The following C13orf46 variants were observed in gnomAD, a reference collection of about 807,000 sequenced individuals.
C13orf46 encodes the protein chromosome 13 open reading frame 46.
chr13:113,946,974 A>T, the C13orf46 span, among the ~76,000 whole-genome samples: 1 of 152,208 alleles, frequency 6.6e-6, no homozygotes, highest in Non-Finnish European at 1.5e-5. Context: ...ACCCGTGGTT[A>T]CTGCTGGGGC....
chr13:113,927,525 T>G, the C13orf46 span: 1 of 398,534 alleles, frequency 2.5e-6, no homozygotes, highest in Non-Finnish European at 4.4e-6. Flanking sequence ...GCTTGGAAGG[T>G]AGGGTCAGCC....
At chr13:113,952,286 G>A (rs1054601300), downstream of C13orf46, among the ~76,000 whole-genome samples, 1 of 145,768 alleles carries the variant, frequency 6.9e-6, no homozygotes, top group Non-Finnish European at 1.5e-5. Flanking sequence ...CGCCGCTCCC[G>A]CCTGCCCAGG....
At chr13:113,930,364 G>A in the C13orf46 span, among the ~76,000 whole-genome samples, 3 of 80,408 alleles carry the variant, frequency 3.7e-5, no homozygotes, top group East Asian at 4.6e-4. Context: ...AGGTGGGGGC[G>A]CAGGAGCACC....
rs973033266 is a variant in C13orf46, at chr13:113,968,449, A to G, written c.456+18T>C. The G allele has an allele frequency of 2.0e-5, 3 of 152,182 alleles. No homozygotes were observed. The highest frequency in any genetic ancestry group is 7.2e-5 in the African/African-American group (3 of 41,422). The allele number at this position is 152,182 out of a possible 1,614,324, so 9.4% of individuals were successfully genotyped here. Reference sequence around the variant, plus strand: ...GGCCTCCCTTCTCACTTCTATTACTAAAGGGAAAAGCTCTTACCTCTTCTT... The same window carrying G: ...GGCCTCCCTTCTCACTTCTATTACTGAAGGGAAAAGCTCTTACCTCTTCTT... On this transcript the variant is annotated intron_variant, in intron 4 of 6. Transcript: ENST00000636427.
At chr13:113,948,577 G>C in the C13orf46 span, among the ~76,000 whole-genome samples, 1 of 152,156 alleles carries the variant, frequency 6.6e-6, no homozygotes, top group African/African-American at 2.4e-5. Flanking sequence ...CAGATGTCTT[G>C]TCTTTGTCCC....
At chr13:113,942,653 A>G in the C13orf46 span, among the ~76,000 whole-genome samples, 1 of 152,308 alleles carries the variant, frequency 6.6e-6, no homozygotes, top group South Asian at 2.1e-4. Flanking sequence ...GCCAGAGCTG[A>G]CGCGGGCACG....
chr13:113,968,827 CTCT>C (rs1328468429), intron 2 of C13orf46, 67 bp from the exon 3 acceptor site: 3 of 152,408 alleles, frequency 2.0e-5, no homozygotes, highest in Non-Finnish European at 4.4e-5. Flanking sequence ...TCCTGGTCTC[CTCT>C]GGGTCTGTCT....
At chr13:113,969,732 A>ACT (rs1299159269) in intron 2 of C13orf46, among the ~76,000 whole-genome samples, 1 of 152,162 alleles carries the variant, frequency 6.6e-6, no homozygotes, top group Non-Finnish European at 1.5e-5. Flanking sequence ...GGAGGCAAGA[A>ACT]CTCGGCAGTA....
chr13:113,935,353 C>T, the C13orf46 span, among the ~76,000 whole-genome samples: 1 of 152,266 alleles, frequency 6.6e-6, no homozygotes, highest in Non-Finnish European at 1.5e-5. Flanking sequence ...GCTTCTCCAG[C>T]AAGCCTGGCC....
rs1472918592 is a variant in C13orf46 at position 113,973,847 on chromosome 13, C to T, written c.151G>A (p.Asp51Asn). 6.6e-6 allele frequency: 1 copy of T among 152,304 alleles called. No individual in the cohort carries two copies. The highest frequency in any genetic ancestry group is 2.4e-5 in the African/African-American group (1 of 41,456). The allele number at this position is 152,304 out of a possible 1,614,324, so 9.4% of individuals were successfully genotyped here. ...RSLGGLQPEG[D>N]PPSRPRKPHK... ...GGCTTCCTAGGGCGGCTGGGAGGGT[C>T]CCCCTCGGGCTGCAGGCCTCCCAGA... The change falls in exon 1 of 7, where the codon GAC becomes AAC. Residue 51 changes from aspartate to asparagine, a missense_variant. By Grantham distance (23) the Asp-to-Asn change is conservative. Coordinates refer to ENST00000636427, the MANE Select transcript of C13orf46 (RefSeq NM_001365455.2).
downstream of C13orf46, among the ~76,000 whole-genome samples, chr13:113,948,719 T>A (rs1433605741): frequency 6.6e-6 from 1 of 152,204 alleles, no homozygotes; most frequent in African/African-American, 2.4e-5. Flanking sequence ...CCCCTTTGAA[T>A]CTCAGTGTGC....
chr13:113,943,705 C>A, the C13orf46 span, among the ~76,000 whole-genome samples: 26 of 152,264 alleles, frequency 1.7e-4, no homozygotes, highest in African/African-American at 6.0e-4. Flanking sequence ...TGGTTGGGAA[C>A]CTTAGTGTTT....
chr13:113,939,597 G>C, the C13orf46 span, among the ~76,000 whole-genome samples: 1 of 152,224 alleles, frequency 6.6e-6, no homozygotes, highest in African/African-American at 2.4e-5. Flanking sequence ...ATAAGCAGCC[G>C]CCTCCTCCTG....
intron 6 of C13orf46, among the ~76,000 whole-genome samples, chr13:113,958,627 G>C (rs1468615481): frequency 6.6e-6 from 1 of 152,258 alleles, no homozygotes; most frequent in Admixed American, 6.5e-5. Flanking sequence ...ACAGAAACAC[G>C]GCGTGGGGCA....
downstream of C13orf46, among the ~76,000 whole-genome samples, chr13:113,950,409 T>A (rs947083876): frequency 3.4e-5 from 5 of 144,952 alleles, no homozygotes; most frequent in Admixed American, 6.8e-5. Flanking sequence ...CACCCCCACC[T>A]TGGGGACCTC....
chr13:113,960,762 C>A (rs950734955), intron 6 of C13orf46, among the ~76,000 whole-genome samples: 1 of 152,346 alleles, frequency 6.6e-6, no homozygotes, highest in South Asian at 2.1e-4. Flanking sequence ...CAAGTGCACA[C>A]CCACAGCCCT....
Position 113,956,344 on chromosome 13 carries a change from TAGTATCTGGTGGAGAGGAGGAGC to T in C13orf46, c.*406_*428del, listed in dbSNP as rs2052533849. The T allele has an allele frequency of 9.4e-6, 1 of 106,608 alleles. No individual in the cohort carries two copies. Among genetic ancestry groups the T allele is most frequent in the Admixed American group, 8.5e-5 (1 of 11,828 alleles). The allele number at this position is 106,608 out of a possible 1,614,324, so 6.6% of individuals were successfully genotyped here. ...AGGAGTAGTATCTGGTGGAGAGGAG[TAGTATCTGGTGGAGAGGAGGAGC>T]ATCTGGTGGAGAGGAGGAGCATCTG... On this transcript the variant is annotated 3_prime_UTR_variant, in exon 7 of 7. Transcript: ENST00000636427.
At chr13:113,960,081 T>C (rs1317646490) in intron 6 of C13orf46, among the ~76,000 whole-genome samples, 1 of 151,732 alleles carries the variant, frequency 6.6e-6, no homozygotes, top group Admixed American at 6.6e-5. Flanking sequence ...TGAAACCTTG[T>C]CTCTACTAAA....
chr13:113,932,160 G>C, the C13orf46 span, among the ~76,000 whole-genome samples: 15 of 152,224 alleles, frequency 9.9e-5, no homozygotes, highest in Non-Finnish European at 1.6e-4. Flanking sequence ...CCACTGACCC[G>C]TGGAGGACGT....
Sources: allele counts gnomAD v4.1 joint callset (sites outside exome capture counted in the v4.1 genomes callset), GRCh38; gene constraint gnomAD v4.1.1; transcripts MANE v1.5; gene names NCBI Gene and HGNC (gene_info 2026-07-23, HGNC 2026-07-21).